The following RSF1 variants were observed in gnomAD, a reference collection of about 807,000 sequenced individuals.
RSF1 encodes remodeling and spacing factor 1.
RSF1 carries 13 observed loss-of-function variants against 145.2 expected under a neutral mutation model. The observed-to-expected ratio is 0.09, with a 90% CI of 0.06 to 0.14. The LOEUF is 0.14. Ranked by LOEUF, RSF1 falls within the 10% of genes least tolerant of loss-of-function variation. The probability of loss-of-function intolerance (pLI) is 1.00; values close to 1 mark genes in which losing one functional copy is unlikely to be tolerated. For missense variants in RSF1, 1,517 were observed against 1,718.2 expected, an observed-to-expected ratio of 0.88 and a Z score of 2.07; for synonymous variants, 577 against 592.6, an observed-to-expected ratio of 0.97 and a Z score of 0.38.
At chr11:77,733,153 T>C (rs1183377433) in intron 4 of RSF1, among the ~76,000 whole-genome samples, 1 of 152,214 alleles carries the variant, frequency 6.6e-6, no homozygotes, top group Non-Finnish European at 1.5e-5. Flanking sequence ...TGCAAAACTT[T>C]CCCAAAGTGG....
At chr11:77,824,315 G>T (rs1215605671), upstream of RSF1, among the ~76,000 whole-genome samples, 1 of 152,154 alleles carries the variant, frequency 6.6e-6, no homozygotes, top group Non-Finnish European at 1.5e-5. Context: ...ACCTGTATTT[G>T]ATTTATTGCT....
At chr11:77,800,321 G>A (rs1027357278) in intron 1 of RSF1, among the ~76,000 whole-genome samples, 1 of 151,498 alleles carries the variant, frequency 6.6e-6, no homozygotes, top group African/African-American at 2.4e-5. Flanking sequence ...GTGAAACCCC[G>A]CCTCTACTAA....
intron 7 of RSF1, among the ~76,000 whole-genome samples, chr11:77,694,449 T>TTGTTACGAACA (rs1960234597): frequency 6.6e-6 from 1 of 152,190 alleles, no homozygotes; most frequent in Non-Finnish European, 1.5e-5. Flanking sequence ...CATCACTTAG[T>TTGTTACGAACA]CTTATAGTTG....
the RSF1 span, among the ~76,000 whole-genome samples, chr11:77,848,674 T>C: frequency 1.9e-3 from 287 of 152,340 alleles, 4 homozygotes; most frequent in African/African-American, 6.7e-3. Context: ...TCATTCTTTA[T>C]AGAAACTTAA....
At chr11:77,774,563 T>C (rs537369622) in intron 1 of RSF1, among the ~76,000 whole-genome samples, 2 of 145,944 alleles carry the variant, frequency 1.4e-5, no homozygotes, top group African/African-American at 5.0e-5. Flanking sequence ...AGAGCGAGAC[T>C]CTGTCTCAAA....
intron 1 of RSF1, among the ~76,000 whole-genome samples, chr11:77,814,116 C>T (rs1422867999): frequency 6.6e-6 from 1 of 151,738 alleles, no homozygotes; most frequent in East Asian, 1.9e-4. Context: ...AGGAGAATCA[C>T]TTGAACCCAG....
In RSF1 at chr11:77,675,215, T is replaced by C. The variant is rs1391432464; in HGVS notation, c.3383A>G (p.Glu1128Gly). 1 of 1,614,034 alleles carries C rather than the reference T, an allele frequency of 6.2e-7. No individual in the cohort carries two copies. The highest frequency in any genetic ancestry group is 2.2e-5 in the East Asian group (1 of 44,882). ...EFVVSDENPD[E>G]SEEDPPSNDD... ...ATTAGATGGCGGATCTTCTTCACTT[T>C]CATCTGGGTTTTCATCAGACACAAC... Residue 1128 changes from glutamate to glycine, a missense_variant, in exon 14 of 16, where the codon GAA becomes GGA. By Grantham distance (98) the Glu-to-Gly change is moderately conservative. Around this residue, in one of 12 missense-constraint regions of RSF1, gnomAD observed 231 missense variants for 276.6 expected, o/e 0.84. Transcript: ENST00000308488.
chr11:77,744,862 T>C (rs1013834294), intron 3 of RSF1, among the ~76,000 whole-genome samples: 4 of 152,214 alleles, frequency 2.6e-5, no homozygotes, highest in African/African-American at 9.6e-5. Flanking sequence ...TTAGAAGACA[T>C]TGAGAAGGAC....
chr11:77,845,333 A>G, the RSF1 span, among the ~76,000 whole-genome samples: 2 of 151,548 alleles, frequency 1.3e-5, no homozygotes, highest in Middle Eastern at 3.2e-3. Context: ...CAATTGACCT[A>G]TTTTCAATTT....
At chr11:77,757,480 C>A (rs183321628) in intron 2 of RSF1, among the ~76,000 whole-genome samples, 1 of 152,130 alleles carries the variant, frequency 6.6e-6, no homozygotes, top group Admixed American at 6.5e-5. Context: ...GAGATCGAGA[C>A]CATCCTGGCC....
chr11:77,832,157 A>T, the RSF1 span: 3 of 152,104 alleles, frequency 2.0e-5, no homozygotes, highest in Admixed American at 6.5e-5. Flanking sequence ...CAGCTACATC[A>T]TGCACTATAA....
chr11:77,858,299 A>ATTTTTTTTTT, the RSF1 span, among the ~76,000 whole-genome samples: 1 of 91,556 alleles, frequency 1.1e-5, no homozygotes. Context: ...CGTTTAAGCA[A>ATTTTTTTTTT]TTCTTTTTTT....
rs1959396412 is a variant in RSF1 at position 77,667,430 on chromosome 11, A to T, written c.3813T>A (p.Val1271=). 6.2e-7 allele frequency: 1 copy of T among 1,613,482 alleles called. No homozygotes were observed. Among genetic ancestry groups the T allele is most frequent in the African/African-American group, 1.3e-5 (1 of 74,914 alleles). ...DELAKESKRS[V]RKRGRSTDEY... ...CGTCTGTGCTTCGGCCCCGCTTTCG[A>T]ACTGACCGCTTTGATTCTTTAGCTA... Residue 1271 remains valine, a synonymous_variant, in exon 16 of 16, where the codon GTT becomes GTA. Transcript: ENST00000308488.
At chr11:77,729,827 A>G (rs1050520131) in intron 4 of RSF1, among the ~76,000 whole-genome samples, 1 of 147,116 alleles carries the variant, frequency 6.8e-6, no homozygotes, top group African/African-American at 2.5e-5. Flanking sequence ...AATATTTTAA[A>G]TATATGATTC....
rs925507239 is a variant in RSF1, at chr11:77,675,370, A to G, written c.3342-114T>C. On this transcript the variant is annotated intron_variant, in intron 13 of 15. Transcript: ENST00000308488. ...AGTGAATCATTAAGTATAGTGCAAC[A>G]TATCTGGATAATTGTATCAAATGCC... 8.6e-5 allele frequency: 62 copies of G among 723,440 alleles called. No homozygotes were observed. In the East Asian group the frequency reaches 1.4e-3, roughly 17 times the overall value. 44.8% of individuals were successfully genotyped at this position (723,440 alleles called of 1,614,324 possible).
chr11:77,678,110 C>G lies in RSF1; in HGVS notation c.3109G>C (p.Asp1037His). 4 of 1,611,128 alleles carry G rather than the reference C, an allele frequency of 2.5e-6. No homozygotes were observed. Among genetic ancestry groups the G allele is most frequent in the Non-Finnish European group, 3.4e-6 (4 of 1,178,482 alleles). The stretch of plus-strand genomic sequence containing the variant: ...CCTCCTCCATCGGCTTCTTTGATGT[C>G]ATCTTCAATAGCTTCATCAATTGCT... The part of the protein sequence containing the change: ...DEAIDEAIED[D>H]IKEADGGGVG... The change falls in exon 12 of 16, where the codon GAC (aspartate) becomes CAC (histidine). Residue 1037 changes from aspartate (D) to histidine (H), a missense_variant. By Grantham distance (81) the Asp-to-His change is moderately conservative. Coordinates refer to ENST00000308488, the MANE Select transcript of RSF1 (RefSeq NM_016578.4).
the RSF1 span, among the ~76,000 whole-genome samples, chr11:77,827,973 C>T: frequency 6.6e-6 from 1 of 152,062 alleles, no homozygotes; most frequent in Non-Finnish European, 1.5e-5. Context: ...TAGCAATGAA[C>T]AATCCAAAAA....
At chr11:77,704,940 G>A (rs868777859) in intron 5 of RSF1, among the ~76,000 whole-genome samples, 15 of 151,888 alleles carry the variant, frequency 9.9e-5, no homozygotes, top group Admixed American at 4.6e-4. Flanking sequence ...TAGTAGAGGC[G>A]GGGTTTCTCC....
In RSF1 at chr11:77,752,761, G is replaced by A. The variant is rs561673191; in HGVS notation, c.280-5633C>T. 3.0e-4 allele frequency among the ~76,000 whole-genome samples: 46 copies of A among 152,232 alleles called. No homozygotes were observed. The Middle Eastern group carries it at 0.017, about 56-fold the overall frequency. On this transcript the variant is annotated intron_variant, in intron 2 of 15. Coordinates refer to ENST00000308488, the MANE Select transcript of RSF1 (RefSeq NM_016578.4). The stretch of plus-strand genomic sequence containing the variant: ...TAGGGGCTGAGTAACATAAGACTGA[G>A]ACCTACTGGGCTGCATTCCCAGGAG...
Sources: allele counts gnomAD v4.1 joint callset (sites outside exome capture counted in the v4.1 genomes callset), GRCh38; gene constraint gnomAD v4.1.1; regional missense constraint gnomAD v4.1.1; transcripts MANE v1.5; gene names NCBI Gene and HGNC (gene_info 2026-07-23, HGNC 2026-07-21).